Variants in PLLP observed in about 807,000 individuals in gnomAD.
PLLP encodes the protein plasma membrane proteolipid (plasmolipin).
PLLP carries 15 observed loss-of-function variants against 19.7 expected under a neutral mutation model. The observed-to-expected ratio is 0.76, with a 90% confidence interval of 0.51 to 1.17. The LOEUF (loss-of-function observed/expected upper bound fraction) is 1.17. PLLP is among the 50% of genes most tolerant of loss of function. The pLI is 0.00. For missense variants in PLLP, 255 were observed against 258.3 expected (o/e 0.99, Z 0.09); for synonymous variants, 111 against 116.3 (o/e 0.95, Z 0.29).
intron 3 of PLLP, among the ~76,000 whole-genome samples, chr16:57,257,577 T>C (rs1453887667): frequency 1.3e-5 from 2 of 152,270 alleles, no homozygotes; most frequent in East Asian, 3.9e-4. Flanking sequence ...CTCCTGTCTG[T>C]CAAAAGGAAC....
chr16:57,276,259 C>T (rs1420837108), intron 1 of PLLP, among the ~76,000 whole-genome samples: 1 of 152,158 alleles, frequency 6.6e-6, no homozygotes, highest in African/African-American at 2.4e-5. Flanking sequence ...GAGTTCGAGG[C>T]CAGTCTGGCC....
At chr16:57,275,450 A>G (rs1901137780) in intron 1 of PLLP, among the ~76,000 whole-genome samples, 1 of 152,186 alleles carries the variant, frequency 6.6e-6, no homozygotes, top group Admixed American at 6.5e-5. Flanking sequence ...TATCTGTCAC[A>G]ATAGAAGCTA....
chr16:57,261,893 T>G lies in PLLP; in HGVS notation c.309+4A>C. ...CCACTTCCAGTACCCCCACCCAGACTCACCACCAGTGGCCAGGGAACCATG... is the reference window on the plus strand; with the variant it reads ...CCACTTCCAGTACCCCCACCCAGACGCACCACCAGTGGCCAGGGAACCATG... On this transcript the variant is annotated splice_donor_region_variant and intron_variant, in intron 2 of 3. Transcript: ENST00000219207. The G allele has an allele frequency of 6.2e-7, 1 of 1,613,346 alleles. No individual in the cohort carries two copies.
intron 1 of PLLP, among the ~76,000 whole-genome samples, chr16:57,278,533 G>A (rs1354269674): frequency 1.3e-5 from 2 of 152,102 alleles, no homozygotes; most frequent in Non-Finnish European, 2.9e-5. Flanking sequence ...TGAGGAGAAT[G>A]TATTCATATA....
Position 57,258,585 on chromosome 16 carries a change from C to T in PLLP, c.310-1G>A. 1 of 1,612,840 alleles carries T rather than the reference C, an allele frequency of 6.2e-7. No individual in the cohort carries two copies. The highest frequency in any genetic ancestry group is 8.5e-7 in the Non-Finnish European group (1 of 1,179,912). ...TGGCGCTGATGTTAAAGATCATTAA[C>T]TGCAGGACATGGGGGTAGGGAGTGG... On this transcript the variant is annotated splice_acceptor_variant, in intron 2 of 3. Coordinates refer to ENST00000219207, the MANE Select transcript of PLLP (RefSeq NM_015993.3). LOFTEE classifies it high-confidence loss of function.
chr16:57,276,933 G>A (rs1375903243), intron 1 of PLLP, among the ~76,000 whole-genome samples: 1 of 152,116 alleles, frequency 6.6e-6, no homozygotes, highest in Non-Finnish European at 1.5e-5. Flanking sequence ...TCAACAAAGG[G>A]ACTGACCACA....
chr16:57,282,888 CCTT>C (rs1185203323), intron 1 of PLLP, among the ~76,000 whole-genome samples: 2 of 152,196 alleles, frequency 1.3e-5, no homozygotes, highest in African/African-American at 2.4e-5. Flanking sequence ...AAATTGCTCT[CCTT>C]CTCCTCTGCC....
intron 1 of PLLP, among the ~76,000 whole-genome samples, chr16:57,280,978 A>G (rs2146452129): frequency 6.6e-6 from 1 of 152,330 alleles, no homozygotes; most frequent in South Asian, 2.1e-4. Context: ...AACATTCATC[A>G]AATCCTGGGA....
At position 57,256,999 on chromosome 16, in the gene PLLP, C is replaced by T; in HGVS notation, c.463G>A (p.Gly155Arg). Residue 155 changes from glycine (G) to arginine (R), a missense_variant, in exon 4 of 4, where the codon GGA becomes AGA. Gly to Arg is a moderately radical substitution (Grantham distance 125). Coordinates refer to ENST00000219207, the MANE Select transcript of PLLP (RefSeq NM_015993.3). Reference sequence around the variant, plus strand: ...TGGTAGCTGAAGAAGGCACTCACTCCATAGGCGATCATCACCAAACACGCA... The same window carrying T: ...TGGTAGCTGAAGAAGGCACTCACTCTATAGGCGATCATCACCAAACACGCA... The part of the protein sequence containing the change: ...FFACLVMIAY[G>R]VSAFFSYQAW... 1.2e-6 allele frequency: 2 copies of T among 1,613,858 alleles called. No individual in the cohort carries two copies. Among genetic ancestry groups the T allele is most frequent in the Non-Finnish European group, 8.5e-7 (1 of 1,179,792 alleles).
At chr16:57,274,578 G>T (rs1328541298) in intron 1 of PLLP, among the ~76,000 whole-genome samples, 1 of 151,414 alleles carries the variant, frequency 6.6e-6, no homozygotes. Flanking sequence ...TCAGCCTCCC[G>T]AGTAGTTGGG....
rs2075427684 is a variant in PLLP at position 57,256,940 on chromosome 16, G to A, written c.522C>T (p.Thr174=). The change falls in exon 4 of 4, where the codon ACC becomes ACT. Residue 174 remains threonine, a synonymous_variant. Transcript: ENST00000219207. ...AGGCATAGCCGCCAGCCATCTGACT[G>A]GTGGCCGCATTGCTGCCTACTCCTC... ...AWRGVGSNAA[T]SQMAGGYA is the part of the protein sequence containing the mutation. 4 of 1,613,316 alleles carry A rather than the reference G, an allele frequency of 2.5e-6. No individual in the cohort carries two copies. The highest frequency in any genetic ancestry group is 1.3e-5 in the African/African-American group (1 of 74,930).
At chr16:57,280,386 T>C (rs1158615783) in intron 1 of PLLP, among the ~76,000 whole-genome samples, 1 of 152,144 alleles carries the variant, frequency 6.6e-6, no homozygotes, top group African/African-American at 2.4e-5. Context: ...ACAGCACTAC[T>C]TTATACTTAT....
At chr16:57,278,993 A>T (rs1345011010) in intron 1 of PLLP, among the ~76,000 whole-genome samples, 1 of 152,188 alleles carries the variant, frequency 6.6e-6, no homozygotes, top group Non-Finnish European at 1.5e-5. Context: ...CAGCCTTAAG[A>T]AGAACTGAGC....
At chr16:57,272,075 C>G (rs768558190) in intron 1 of PLLP, among the ~76,000 whole-genome samples, 15 of 152,198 alleles carry the variant, frequency 9.9e-5, no homozygotes, top group Admixed American at 9.8e-4. Flanking sequence ...CTCCTGCCCC[C>G]GCAACTACCC....
intron 1 of PLLP, among the ~76,000 whole-genome samples, chr16:57,275,671 A>AG (rs1232402889): frequency 1.4e-5 from 2 of 138,798 alleles, no homozygotes; most frequent in Non-Finnish European, 3.2e-5. Flanking sequence ...ACACCATGAG[A>AG]GGGGGAAAAA....
intron 3 of PLLP, 124 bp downstream of exon 3, chr16:57,258,338 A>G: frequency 1.1e-6 from 1 of 929,558 alleles, no homozygotes; most frequent in Non-Finnish European, 1.6e-6. Flanking sequence ...TCTAAGACCC[A>G]CTGAGTGTTC....
chr16:57,258,067 A>G (rs535884211), intron 3 of PLLP, among the ~76,000 whole-genome samples: 1 of 152,046 alleles, frequency 6.6e-6, no homozygotes, highest in East Asian at 1.9e-4. Context: ...CAAAAAAAAT[A>G]CAAAATACAA....
chr16:57,258,425 C>CT, intron 3 of PLLP, 37 bp downstream of exon 3: 1 of 1,600,804 alleles, frequency 6.2e-7, no homozygotes, highest in Non-Finnish European at 8.5e-7. Context: ...GGCTGAGACC[C>CT]TGCAGACCAC....
chr16:57,259,148 G>A (rs1414569204), intron 2 of PLLP, among the ~76,000 whole-genome samples: 1 of 152,126 alleles, frequency 6.6e-6, no homozygotes, highest in Non-Finnish European at 1.5e-5. Context: ...CTGGAGGAGG[G>A]GAATGACAGG....
Sources: allele counts gnomAD v4.1 joint callset (sites outside exome capture counted in the v4.1 genomes callset), GRCh38; gene constraint gnomAD v4.1.1; transcripts MANE v1.5; gene names NCBI Gene and HGNC (gene_info 2026-07-23, HGNC 2026-07-21).